Variants in DEF8 observed in about 807,000 individuals in gnomAD.
DEF8 encodes the protein differentially expressed in FDCP 8 homolog, also known as DEF-8.
DEF8 carries 38 observed loss-of-function variants against 59.1 expected under a neutral mutation model. The observed-to-expected ratio is 0.64, with a 90% CI of 0.50 to 0.84. The LOEUF (loss-of-function observed/expected upper bound fraction) is 0.84. Ranked by LOEUF, DEF8 falls within the 40% of genes least tolerant of loss-of-function variation. DEF8 has a pLI of 0.00. For synonymous variants in DEF8, 265 were observed against 250.1 expected, an observed-to-expected ratio of 1.06 and a Z score of -0.56; for missense variants, 557 against 615.2, an observed-to-expected ratio of 0.91 and a Z score of 1.00.
In DEF8 at chr16:89,958,863, G is replaced by A. The variant is rs549395046; in HGVS notation, c.373-151G>A. 1.2e-5 allele frequency: 17 copies of A among 1,460,284 alleles called. No homozygotes were observed. The African/African-American group carries it at 2.1e-4, about 18-fold the overall frequency. 90.5% of individuals were successfully genotyped at this position (1,460,284 alleles called of 1,614,324 possible). On this transcript the variant is annotated intron_variant, in intron 5 of 12. Coordinates refer to ENST00000563594, the MANE Select transcript of DEF8 (RefSeq NM_001242818.2). ...TGTCCAGCTGATCATTGTTTACTGTGAAAGGGAGAAAAGGGACATGGCATT... is the reference window on the plus strand; with the variant it reads ...TGTCCAGCTGATCATTGTTTACTGTAAAAGGGAGAAAAGGGACATGGCATT...
In DEF8 at chr16:89,950,303, C is replaced by G. The variant is rs149217685; in HGVS notation, c.-11+790C>G. 1,614 of 985,546 alleles carry G rather than the reference C, an allele frequency of 1.6e-3. 25 individuals carry two copies. In the African/African-American group the frequency reaches 0.026, roughly 16 times the overall value. The allele number at this position is 985,546 out of a possible 1,614,324, so 61.1% of individuals were successfully genotyped here. Reference sequence around the variant, plus strand: ...GCTTCACTGACATCATAAACAAGTCCTTAGCCCTTCCATCCACCCCAGAAA... The same window carrying G: ...GCTTCACTGACATCATAAACAAGTCGTTAGCCCTTCCATCCACCCCAGAAA... On this transcript the variant is annotated intron_variant, in intron 2 of 12. Coordinates refer to ENST00000563594, the MANE Select transcript of DEF8 (RefSeq NM_001242818.2).
In DEF8 at chr16:89,949,525, C is replaced by G. The variant is rs1382778214; in HGVS notation, c.-11+12C>G. On this transcript the variant is annotated intron_variant, in intron 2 of 12. Transcript: ENST00000563594. ...GGCAGGCGATGCAGGTATGGGCAGA[C>G]AGGACGCTGTTGACTCCGCACACCG... 1 of 1,613,226 alleles carries G rather than the reference C, an allele frequency of 6.2e-7. No homozygotes were observed. The highest frequency in any genetic ancestry group is 1.3e-5 in the African/African-American group (1 of 74,912).
In DEF8 at chr16:89,954,493, C is replaced by T; in HGVS notation, c.124+117C>T. 1 of 1,130,102 alleles carries T rather than the reference C, an allele frequency of 8.8e-7. No individual in the cohort carries two copies. The highest frequency in any genetic ancestry group is 1.3e-6 in the Non-Finnish European group (1 of 799,380). The allele number at this position is 1,130,102 out of a possible 1,614,324, so 70.0% of individuals were successfully genotyped here. On this transcript the variant is annotated intron_variant, in intron 3 of 12. Coordinates refer to ENST00000563594, the MANE Select transcript of DEF8 (RefSeq NM_001242818.2). This position sits in a 1 kb window ranked among gnomAD's most constrained non-coding sequence, Gnocchi z 4.3. ...CCTGGCTTTCCCACGGAGCCGGCAC[C>T]TGCTGGCTGTGTTCTTTTTCCCATC...
At chr16:89,965,470 C>T (rs1034486109) in intron 12 of DEF8, among the ~76,000 whole-genome samples, 1 of 152,214 alleles carries the variant, frequency 6.6e-6, no homozygotes, top group Non-Finnish European at 1.5e-5. Context: ...CTGCTACGTT[C>T]TGTTTAAAAG....
rs1201616104 is a variant in DEF8 at position 89,959,166 on chromosome 16, A to C, written c.514+11A>C. On this transcript the variant is annotated intron_variant, in intron 6 of 12. Coordinates refer to ENST00000563594, the MANE Select transcript of DEF8 (RefSeq NM_001242818.2). ...GGTACACCTGCACAGGTGGGCCGAG[A>C]CCCAGACGAGGAGTGAGGAATGAGA... is the stretch of plus-strand genomic sequence containing the variant. The C allele has an allele frequency of 6.8e-6, 11 of 1,613,766 alleles. No homozygotes were observed. The highest frequency in any genetic ancestry group is 9.3e-6 in the Non-Finnish European group (11 of 1,180,026).
At chr16:89,955,543 T>C (rs1324752604) in intron 4 of DEF8, among the ~76,000 whole-genome samples, 2 of 152,134 alleles carry the variant, frequency 1.3e-5, no homozygotes, top group African/African-American at 2.4e-5. Context: ...TGGGGCTGCT[T>C]CTGTCCCCTG....
In DEF8 at chr16:89,963,685, C is replaced by T. The variant is rs1323466328; in HGVS notation, c.1002+242C>T. ...CTCCATGGGGTGGGTCCAGCCCAGC[C>T]CTCGTCAGGCAGGTTGACCACAAAA... On this transcript the variant is annotated intron_variant, in intron 10 of 12. Coordinates refer to ENST00000563594, the MANE Select transcript of DEF8 (RefSeq NM_001242818.2). The T allele has an allele frequency of 4.3e-5, 24 of 556,166 alleles. No individual in the cohort carries two copies. In the East Asian group the frequency reaches 5.3e-4, roughly 12 times the overall value. 34.5% of individuals were successfully genotyped at this position (556,166 alleles called of 1,614,324 possible). A position where few individuals can be genotyped will look rare whatever the true frequency, so the allele number is the denominator to read the frequency against.
intron 2 of DEF8, among the ~76,000 whole-genome samples, chr16:89,952,922 C>T (rs2032452761): frequency 6.6e-6 from 1 of 152,188 alleles, no homozygotes; most frequent in African/African-American, 2.4e-5. Context: ...CCTCCTTATC[C>T]CACTGCCAGT....
Position 89,954,764 on chromosome 16 carries a change from T to C in DEF8, c.124+388T>C, listed in dbSNP as rs961279719. Among the ~76,000 whole-genome samples, 1 of 152,122 alleles carries C rather than the reference T, an allele frequency of 6.6e-6. No individual in the cohort carries two copies. The highest frequency in any genetic ancestry group is 1.5e-5 in the Non-Finnish European group (1 of 68,016). On this transcript the variant is annotated intron_variant, in intron 3 of 12. Coordinates refer to ENST00000563594, the MANE Select transcript of DEF8 (RefSeq NM_001242818.2). This position sits in a 1 kb window ranked among gnomAD's most constrained non-coding sequence, Gnocchi z 4.3. Reference sequence around the variant, plus strand: ...GCAGATGAGGTCATCAGGGAGTGCTTGGAGCGGGGCAGCTGCAGAGACGGC... The same window carrying C: ...GCAGATGAGGTCATCAGGGAGTGCTCGGAGCGGGGCAGCTGCAGAGACGGC...
intron 6 of DEF8, among the ~76,000 whole-genome samples, chr16:89,960,039 A>G (rs573409158): frequency 3.3e-5 from 5 of 150,664 alleles, no homozygotes; most frequent in Admixed American, 2.6e-4. Flanking sequence ...GTCTGGAGGA[A>G]TGTTCCGGTG....
intron 2 of DEF8, among the ~76,000 whole-genome samples, chr16:89,951,509 T>C (rs1454622121): frequency 6.6e-6 from 1 of 152,156 alleles, no homozygotes; most frequent in African/African-American, 2.4e-5. Context: ...CTTCCCAAAG[T>C]GCTGGGATTA....
intron 2 of DEF8, chr16:89,950,073 G>A (rs2061773072): frequency 1.0e-6 from 1 of 995,730 alleles, no homozygotes; most frequent in Non-Finnish European, 1.2e-6. Flanking sequence ...ACAGCCCGGA[G>A]GAGAGCTGGT....
chr16:89,961,708 G>A, intron 7 of DEF8, 29 bp from the exon 8 acceptor site: 1 of 1,611,038 alleles, frequency 6.2e-7, no homozygotes, highest in Non-Finnish European at 8.5e-7. Context: ...TGTGAGGCAG[G>A]GACACTCAGG....
chr16:89,959,365 C>T (rs1328919389), intron 6 of DEF8: 74 of 1,434,614 alleles, frequency 5.2e-5, no homozygotes, highest in Non-Finnish European at 6.5e-5. Context: ...TAGTGAATTA[C>T]ATGGTGTGTC....
chr16:89,963,746 C>A (rs2034327813), intron 10 of DEF8: 1 of 512,696 alleles, frequency 2.0e-6, no homozygotes, highest in Non-Finnish European at 3.6e-6. Flanking sequence ...ATGTGCTCAA[C>A]AGATACAGAT....
At chr16:89,961,536 G>T (rs8062511) in intron 7 of DEF8, among the ~76,000 whole-genome samples, 21,606 of 152,204 alleles carry the variant, frequency 0.14, 1,868 homozygotes, top group African/African-American at 0.24. Context: ...CCTACAGTGA[G>T]GCCCTGTTTA....
chr16:89,952,774 T>C (rs994546078), intron 2 of DEF8: 2 of 152,302 alleles, frequency 1.3e-5, no homozygotes, highest in African/African-American at 2.4e-5. Flanking sequence ...AGCCTGTCCA[T>C]GGGTGCTTTG....
intron 2 of DEF8, 160 bp downstream of exon 2, chr16:89,949,673 A>C (rs1235208887): frequency 5.7e-6 from 9 of 1,575,538 alleles, no homozygotes; most frequent in Non-Finnish European, 7.8e-6. Flanking sequence ...GCTTCGGCCC[A>C]GGGTCCCTCC....
chr16:89,958,309 A>T (rs1204287714), intron 5 of DEF8: 1 of 153,960 alleles, frequency 6.5e-6, no homozygotes, highest in Non-Finnish European at 1.4e-5. Flanking sequence ...CCACCCACTG[A>T]AGCAAGCGGG....
Sources: allele counts gnomAD v4.1 joint callset (sites outside exome capture counted in the v4.1 genomes callset), GRCh38; gene constraint gnomAD v4.1.1; non-coding constraint Gnocchi (gnomAD v3.1); transcripts MANE v1.5; gene names NCBI Gene and HGNC (gene_info 2026-07-23, HGNC 2026-07-21).